The following CFAP47 variants were observed in gnomAD, a reference collection of about 807,000 sequenced individuals.
CFAP47 encodes cilia- and flagella-associated protein 47.
Under a neutral mutation model 148.1 loss-of-function variants are expected in CFAP47, and 29 were observed. The ratio of observed to expected loss-of-function variants is 0.20; its 90% CI spans 0.15 to 0.27. CFAP47 has a LOEUF of 0.27. Ranked by LOEUF, CFAP47 falls within the 10% of genes least tolerant of loss-of-function variation. The pLI, the probability that CFAP47 is intolerant of heterozygous loss-of-function variation, is 1.00. For synonymous variants in CFAP47, 664 were observed against 577.3 expected (o/e 1.15, Z -2.15); for missense variants, 1,872 against 1,697.5 (o/e 1.10, Z -1.81).
chrX:36,045,577 T>C (rs1340683720), intron 25 of CFAP47, among the ~76,000 whole-genome samples: 1 of 111,309 alleles, frequency 9.0e-6, no homozygotes, highest in African/African-American at 3.3e-5. Flanking sequence ...ACAGACTCCA[T>C]GGGGCTCGCT....
chrX:35,967,532 T>A (rs1936424446), intron 9 of CFAP47, 87 bp from the exon 10 acceptor site: 1 of 614,685 alleles, frequency 1.6e-6, no homozygotes, highest in African/African-American at 2.3e-5. Context: ...GAATCAATTG[T>A]CTAGTGTATT....
chrX:36,189,730 G>A (rs781816341), intron 41 of CFAP47, among the ~76,000 whole-genome samples: 59 of 112,087 alleles, frequency 5.3e-4, no homozygotes, highest in African/African-American at 1.8e-3. Context: ...ATTGTACCCT[G>A]TGAAACATTG....
intron 57 of CFAP47, among the ~76,000 whole-genome samples, chrX:36,342,578 G>T (rs1033153693): frequency 1.8e-5 from 2 of 111,345 alleles, no homozygotes; most frequent in African/African-American, 6.5e-5. Context: ...ATATGGAAAT[G>T]CTATGAAGCT....
At chrX:36,363,818 T>G (rs1217238225) in intron 61 of CFAP47, among the ~76,000 whole-genome samples, 2 of 111,806 alleles carry the variant, frequency 1.8e-5, no homozygotes, top group African/African-American at 6.5e-5. Flanking sequence ...ATGGTGGTAT[T>G]ACAAAAGAAA....
chrX:36,288,769 A>G (rs962630626), intron 51 of CFAP47, among the ~76,000 whole-genome samples: 2 of 111,208 alleles, frequency 1.8e-5, no homozygotes, highest in African/African-American at 6.5e-5. Flanking sequence ...GCGGTGGCTT[A>G]TGCCTGTAAT....
intron 57 of CFAP47, among the ~76,000 whole-genome samples, chrX:36,334,893 A>C (rs1293064669): frequency 9.1e-6 from 1 of 110,223 alleles, no homozygotes; most frequent in Non-Finnish European, 1.9e-5. Flanking sequence ...GTATTACAAA[A>C]CATGGTGTTT....
At chrX:36,317,175 A>G in intron 56 of CFAP47, among the ~76,000 whole-genome samples, 1 of 111,439 alleles carries the variant, frequency 9.0e-6, no homozygotes, top group Admixed American at 9.6e-5. Context: ...AGAGTTGAAC[A>G]AATATTTATG....
chrX:35,929,378 T>C (rs1310442618), intron 2 of CFAP47, among the ~76,000 whole-genome samples: 1 of 112,334 alleles, frequency 8.9e-6, no homozygotes, highest in Non-Finnish European at 1.9e-5. Context: ...ACATGTGTTG[T>C]TAAGTGTATA....
intron 46 of CFAP47, among the ~76,000 whole-genome samples, chrX:36,232,502 C>A (rs1940379499): frequency 9.0e-6 from 1 of 111,704 alleles, no homozygotes; most frequent in South Asian, 3.8e-4. Context: ...ATTCTTCTCT[C>A]TGTTTTTCTT....
At chrX:36,355,818 G>A (rs901262503) in intron 60 of CFAP47, among the ~76,000 whole-genome samples, 2 of 111,691 alleles carry the variant, frequency 1.8e-5, no homozygotes, top group Non-Finnish European at 3.8e-5. Context: ...ATATTGTGTG[G>A]TGCACTTAAA....
At chrX:36,071,741 A>G (rs1937756380) in intron 27 of CFAP47, 84 bp from the exon 28 acceptor site, 1 of 830,681 alleles carries the variant, frequency 1.2e-6, no homozygotes, top group South Asian at 2.4e-5. Flanking sequence ...TCAATAGATA[A>G]TAGATAAACT....
intron 33 of CFAP47, among the ~76,000 whole-genome samples, chrX:36,137,410 C>G (rs188222623): frequency 9.0e-6 from 1 of 111,272 alleles, no homozygotes; most frequent in African/African-American, 3.3e-5. Context: ...GCGTAGTAAT[C>G]ATGTCTGTAA....
At chrX:35,997,034 A>G (rs1383069817) in intron 18 of CFAP47, among the ~76,000 whole-genome samples, 3 of 111,663 alleles carry the variant, frequency 2.7e-5, no homozygotes, top group Non-Finnish European at 3.8e-5. Context: ...AAGGAGTGGC[A>G]ATAAAGTTTA....
At chrX:36,205,378 G>C (rs1459285823) in intron 45 of CFAP47, among the ~76,000 whole-genome samples, 1 of 111,935 alleles carries the variant, frequency 8.9e-6, no homozygotes, top group Non-Finnish European at 1.9e-5. Context: ...ATTTGTTAAA[G>C]AGTGGTAATC....
chrX:36,265,618 A>T (rs1019892289), intron 49 of CFAP47, among the ~76,000 whole-genome samples: 2 of 111,913 alleles, frequency 1.8e-5, no homozygotes, highest in African/African-American at 6.5e-5. Flanking sequence ...ATGTGAAGTG[A>T]TGATAAATTT....
chrX:36,058,233 A>C (rs1289995412), intron 26 of CFAP47, among the ~76,000 whole-genome samples: 2 of 112,071 alleles, frequency 1.8e-5, no homozygotes, highest in Non-Finnish European at 3.8e-5. Context: ...CTTACATTTT[A>C]TTACCTGTTT....
chrX:36,224,477 GTA>G (rs1940247918), intron 45 of CFAP47, among the ~76,000 whole-genome samples: 1 of 111,833 alleles, frequency 8.9e-6, no homozygotes, highest in Non-Finnish European at 1.9e-5. Flanking sequence ...CACAGGTTTT[GTA>G]TAGTCTCCCT....
intron 39 of CFAP47, among the ~76,000 whole-genome samples, chrX:36,170,606 T>G (rs1939558716): frequency 9.1e-6 from 1 of 110,362 alleles, no homozygotes; most frequent in African/African-American, 3.3e-5. Flanking sequence ...TTCATCCATG[T>G]CCCTACAAAG....
intron 16 of CFAP47, chrX:35,990,183 G>T (rs1160837828): frequency 1.8e-5 from 2 of 111,627 alleles, no homozygotes; most frequent in East Asian, 5.6e-4. Flanking sequence ...TTACTCTTCT[G>T]TTAGTTTTGT....
Sources: gnomAD v4.1 joint callset for allele counts (sites outside exome capture counted in the v4.1 genomes callset) on GRCh38, gnomAD v4.1.1 for gene constraint, MANE v1.5 for transcripts, NCBI Gene and HGNC (gene_info 2026-07-23, HGNC 2026-07-21) for gene names.